The following AK7 variants were observed in gnomAD, a reference collection of about 807,000 sequenced individuals.
AK7 encodes adenylate kinase 7.
In AK7, 78 loss-of-function variants were observed where a neutral mutation model predicts 96.6. The ratio of observed to expected loss-of-function variants is 0.81; its 90% CI spans 0.67 to 0.97. The LOEUF is 0.97. Among genes scored for constraint, AK7 ranks in the 50% least tolerant of loss-of-function variants. AK7 has a pLI of 0.00. For missense variants in AK7, 855 were observed against 887.9 expected (o/e 0.96, Z 0.47); for synonymous variants, 302 against 317.2 (o/e 0.95, Z 0.51).
rs933115802 is a variant in AK7 at position 96,465,450 on chromosome 14, G to A, written c.1358-6028G>A. 9.4e-5 allele frequency among the ~76,000 whole-genome samples: 14 copies of A among 148,712 alleles called. No individual in the cohort carries two copies. In the South Asian group the frequency reaches 1.3e-3, roughly 14 times the overall value. On this transcript the variant is annotated intron_variant, in intron 12 of 17. Coordinates refer to ENST00000267584, the MANE Select transcript of AK7 (RefSeq NM_152327.5). Reference sequence around the variant, plus strand: ...TGCACTCCAGCCTGGGCGACAGAGCGAAGACTCCGTTTAAAAAAAAAAAAG... The same window carrying A: ...TGCACTCCAGCCTGGGCGACAGAGCAAAGACTCCGTTTAAAAAAAAAAAAG...
intron 3 of AK7, among the ~76,000 whole-genome samples, chr14:96,405,435 C>T (rs1371841314): frequency 6.6e-6 from 1 of 152,058 alleles, no homozygotes. Flanking sequence ...CCTCCAGCCT[C>T]AGCCTCCCAA....
rs1168761435 is a variant in AK7, at chr14:96,486,911, A to G, written c.1988A>G (p.Glu663Gly). 1.9e-6 allele frequency: 3 copies of G among 1,613,768 alleles called. No homozygotes were observed. The highest frequency in any genetic ancestry group is 1.3e-5 in the African/African-American group (1 of 74,988). The change falls in exon 17 of 18, where the codon GAG becomes GGG. Residue 663 changes from glutamate (E) to glycine (G), a missense_variant. Physicochemically the swap from Glu to Gly is moderately conservative, Grantham distance 98. Transcript: ENST00000267584. Reference protein sequence around the residue: ...ARWEEWNKRLEEVKREERELL... With the variant: ...ARWEEWNKRLGEVKREERELL... ...ATTCTATTTTAGAATAAACGACTGG[A>G]GGAAGTGAAAAGAGAAGAAAGAGAA...
intron 4 of AK7, among the ~76,000 whole-genome samples, chr14:96,418,861 T>C (rs1021969223): frequency 2.0e-5 from 3 of 152,218 alleles, no homozygotes; most frequent in African/African-American, 7.2e-5. Flanking sequence ...CTTCAGTTGT[T>C]TCCTTGTAAA....
chr14:96,460,863 C>T (rs1004232019), intron 12 of AK7, among the ~76,000 whole-genome samples: 4 of 152,166 alleles, frequency 2.6e-5, no homozygotes, highest in Non-Finnish European at 5.9e-5. Flanking sequence ...TCTAGTCCCC[C>T]GACCCTTTCC....
At chr14:96,461,000 G>C (rs1455795630) in intron 12 of AK7, among the ~76,000 whole-genome samples, 2 of 152,204 alleles carry the variant, frequency 1.3e-5, no homozygotes, top group Non-Finnish European at 2.9e-5. Flanking sequence ...CCCATCATCT[G>C]AGTCTTGGTT....
At position 96,395,258 on chromosome 14, in the gene AK7, C is replaced by T. The variant is rs1045553316; in HGVS notation, c.106-2817C>T. Among the ~76,000 whole-genome samples, 5 of 152,122 alleles carry T rather than the reference C, an allele frequency of 3.3e-5. No individual in the cohort carries two copies. The East Asian group carries it at 7.7e-4, about 23-fold the overall frequency. On this transcript the variant is annotated intron_variant, in intron 1 of 17. Coordinates refer to ENST00000267584, the MANE Select transcript of AK7 (RefSeq NM_152327.5). ...TATTTTGTACACATCAAATATACTG[C>T]GTTCTTACAATAAAGTAAGCTAGAG...
intron 7 of AK7, among the ~76,000 whole-genome samples, chr14:96,445,277 T>G (rs1349366183): frequency 6.6e-6 from 1 of 152,240 alleles, no homozygotes; most frequent in Non-Finnish European, 1.5e-5. Flanking sequence ...CAGACCCTTT[T>G]AAGTAGCATT....
At position 96,400,186 on chromosome 14, in the gene AK7, G is replaced by A. The variant is rs181331690; in HGVS notation, c.294+1923G>A. On this transcript the variant is annotated intron_variant, in intron 2 of 17. Coordinates refer to ENST00000267584, the MANE Select transcript of AK7 (RefSeq NM_152327.5). ...CCCGAGTAGCTGGGACTACAAGCGC[G>A]TGCCACCACACCCAGCTAATTTTTT... Among the ~76,000 whole-genome samples, 752 of 151,726 alleles carry A rather than the reference G, an allele frequency of 5.0e-3. 2 individuals are homozygous for A. The highest frequency in any genetic ancestry group is 8.2e-3 in the Non-Finnish European group (556 of 67,902).
At chr14:96,427,695 G>C (rs1892109575) in intron 5 of AK7, among the ~76,000 whole-genome samples, 1 of 152,096 alleles carries the variant, frequency 6.6e-6, no homozygotes, top group African/African-American at 2.4e-5. Context: ...TTGTCCCTTT[G>C]AATAAACTGT....
intron 5 of AK7, among the ~76,000 whole-genome samples, chr14:96,436,443 A>C (rs1350448081): frequency 6.6e-6 from 1 of 152,054 alleles, no homozygotes; most frequent in Admixed American, 6.6e-5. Context: ...TCAGGAGTTC[A>C]AGACCAGCCT....
chr14:96,488,160 G>A (rs977596405), intron 17 of AK7, 145 bp from the exon 18 acceptor site: 9 of 613,372 alleles, frequency 1.5e-5, no homozygotes, highest in East Asian at 3.3e-5. Flanking sequence ...TGATCCACCC[G>A]CCTCAGCCTC....
chr14:96,438,791 AGCAGGAAG>A (rs1892794035), intron 6 of AK7, among the ~76,000 whole-genome samples: 1 of 152,192 alleles, frequency 6.6e-6, no homozygotes, highest in Admixed American at 6.5e-5. Context: ...CATGGGCAGG[AGCAGGAAG>A]CAAGGAAACC....
chr14:96,408,786 G>A (rs1890869714), intron 3 of AK7, 61 bp from the exon 4 acceptor site: 5 of 1,519,090 alleles, frequency 3.3e-6, no homozygotes, highest in Non-Finnish European at 3.6e-6. Context: ...AATAGTACAC[G>A]TGATTTAGAA....
chr14:96,441,411 G>T (rs1892949098), intron 6 of AK7, among the ~76,000 whole-genome samples: 1 of 151,578 alleles, frequency 6.6e-6, no homozygotes, highest in Non-Finnish European at 1.5e-5. Context: ...GGCTGAGGCG[G>T]GTAGATCACC....
chr14:96,403,326 G>A (rs1890526199), intron 2 of AK7, among the ~76,000 whole-genome samples: 1 of 151,884 alleles, frequency 6.6e-6, no homozygotes, highest in South Asian at 2.1e-4. Context: ...GCAGAAGCTA[G>A]AGGAGAGGCA....
intron 2 of AK7, chr14:96,398,515 A>ACAGTTCTC: frequency 1.9e-6 from 1 of 512,858 alleles, no homozygotes; most frequent in Non-Finnish European, 3.5e-6. Flanking sequence ...TCAGACTCAT[A>ACAGTTCTC]CAGTTCTCCT....
intron 2 of AK7, among the ~76,000 whole-genome samples, 166 bp from the exon 3 acceptor site, chr14:96,404,591 C>T (rs1444539154): frequency 6.6e-6 from 1 of 152,198 alleles, no homozygotes; most frequent in Non-Finnish European, 1.5e-5. Context: ...GAAAACTACA[C>T]ACAGAAGAGA....
intron 4 of AK7, among the ~76,000 whole-genome samples, chr14:96,416,018 C>T (rs569422699): frequency 1.3e-5 from 2 of 152,194 alleles, no homozygotes; most frequent in South Asian, 4.1e-4. Flanking sequence ...CTGATTGTCA[C>T]ACGTAATAAC....
chr14:96,414,534 G>A (rs182617752), intron 4 of AK7, among the ~76,000 whole-genome samples: 238 of 152,236 alleles, frequency 1.6e-3, no homozygotes, highest in Admixed American at 2.6e-3. Context: ...GTGAAGCTTG[G>A]ACTGCTGCTA....
Sources: allele counts gnomAD v4.1 joint callset (sites outside exome capture counted in the v4.1 genomes callset), GRCh38; gene constraint gnomAD v4.1.1; transcripts MANE v1.5; gene names NCBI Gene and HGNC (gene_info 2026-07-23, HGNC 2026-07-21).